OPCML: variants seen among roughly 807,000 people sequenced by gnomAD.
The protein encoded by OPCML is opioid-binding protein/cell adhesion molecule.
Under a neutral mutation model 37.8 loss-of-function variants are expected in OPCML, and 13 were observed. The observed-to-expected ratio is 0.34, with a 90% CI of 0.22 to 0.55. The LOEUF is 0.55. OPCML is among the 20% of genes least tolerant of loss of function. OPCML has a pLI of 0.91. For missense variants in OPCML, 341 were observed against 435.6 expected (o/e 0.78, Z 1.93); for synonymous variants, 176 against 168.8 (o/e 1.04, Z -0.33).
At chr11:132,597,697 A>G (rs1356682463) in intron 3 of OPCML, among the ~76,000 whole-genome samples, 3 of 152,346 alleles carry the variant, frequency 2.0e-5, no homozygotes, top group African/African-American at 7.2e-5. Context: ...CAGGGAAGGC[A>G]GGGCTTGACC....
intron 1 of OPCML, among the ~76,000 whole-genome samples, chr11:133,394,652 T>C (rs1268852517): frequency 7.9e-5 from 11 of 139,926 alleles, no homozygotes; most frequent in Admixed American, 6.7e-4. Flanking sequence ...AATGAGAACA[T>C]GAGAAGTCTG....
At chr11:133,518,827 T>TCC (rs1565679875) in intron 1 of OPCML, among the ~76,000 whole-genome samples, 27 of 151,604 alleles carry the variant, frequency 1.8e-4, no homozygotes, top group African/African-American at 5.8e-4. Flanking sequence ...CAGTGGCAGG[T>TCC]TGGAAGATCT....
intron 1 of OPCML, chr11:133,297,171 TA>T (rs1942651128): frequency 6.6e-6 from 1 of 151,996 alleles, no homozygotes. Context: ...CTCAAAACAA[TA>T]ATCAAATATC....
chr11:133,320,511 G>A (rs1179905024), intron 1 of OPCML, among the ~76,000 whole-genome samples: 7 of 152,142 alleles, frequency 4.6e-5, no homozygotes, highest in African/African-American at 1.7e-4. Context: ...ATTAAATGAA[G>A]CAAGTATCAG....
intron 1 of OPCML, among the ~76,000 whole-genome samples, chr11:133,500,284 G>A (rs1303545259): frequency 3.3e-5 from 5 of 152,258 alleles, no homozygotes; most frequent in Non-Finnish European, 5.9e-5. Flanking sequence ...CAGGAACCAG[G>A]AGCCGGACCT....
intron 2 of OPCML, among the ~76,000 whole-genome samples, chr11:132,847,554 G>A (rs573568103): frequency 2.6e-5 from 4 of 152,124 alleles, no homozygotes; most frequent in African/African-American, 7.2e-5. Context: ...ATTGTTCTGC[G>A]TAAGTATTCT....
At chr11:132,574,522 T>C (rs1256360606) in intron 3 of OPCML, among the ~76,000 whole-genome samples, 2 of 151,938 alleles carry the variant, frequency 1.3e-5, no homozygotes, top group African/African-American at 4.8e-5. Context: ...TTTGACCTAT[T>C]GTTGTTCAAG....
At chr11:132,838,549 T>G (rs1941146810) in intron 2 of OPCML, among the ~76,000 whole-genome samples, 2 of 152,234 alleles carry the variant, frequency 1.3e-5, no homozygotes, top group South Asian at 4.1e-4. Context: ...GAAAATGGAT[T>G]AATAACTTTA....
chr11:133,272,265 A>AG (rs1467830251), intron 1 of OPCML, among the ~76,000 whole-genome samples: 2 of 152,106 alleles, frequency 1.3e-5, no homozygotes, highest in East Asian at 1.9e-4. Context: ...AAAAAAAAAA[A>AG]AAAAGAAAAC....
At chr11:132,658,978 C>T (rs974289242) in intron 2 of OPCML, among the ~76,000 whole-genome samples, 14 of 152,176 alleles carry the variant, frequency 9.2e-5, no homozygotes, top group Non-Finnish European at 1.5e-4. Context: ...ATCCCTTGCA[C>T]ACCAGCAGTT....
intron 4 of OPCML, among the ~76,000 whole-genome samples, chr11:132,457,342 G>C (rs1202816908): frequency 6.6e-6 from 1 of 152,178 alleles, no homozygotes; most frequent in African/African-American, 2.4e-5. Context: ...CATCTACTCT[G>C]CTCTTAAGAC....
intron 2 of OPCML, among the ~76,000 whole-genome samples, chr11:132,682,237 C>A (rs1565772119): frequency 6.6e-6 from 1 of 152,152 alleles, no homozygotes; most frequent in Non-Finnish European, 1.5e-5. Flanking sequence ...CGTCATGAGG[C>A]CTGGGAAGGC....
chr11:132,921,097 T>C (rs374869141), intron 2 of OPCML, among the ~76,000 whole-genome samples: 2 of 152,240 alleles, frequency 1.3e-5, no homozygotes, highest in African/African-American at 4.8e-5. Context: ...ACCATGGCTG[T>C]TTTCTTTCCT....
At chr11:133,082,429 C>T (rs1190223707) in intron 1 of OPCML, among the ~76,000 whole-genome samples, 1 of 116,064 alleles carries the variant, frequency 8.6e-6, no homozygotes, top group Non-Finnish European at 1.9e-5. Flanking sequence ...ATCCTCCCCC[C>T]TCCCCATCCT....
intron 1 of OPCML, among the ~76,000 whole-genome samples, chr11:133,221,429 A>G (rs1939823505): frequency 6.6e-6 from 1 of 152,180 alleles, no homozygotes; most frequent in Non-Finnish European, 1.5e-5. Context: ...CTCTTTCGTA[A>G]CGTGGAGCTA....
At chr11:133,153,284 G>T (rs752488803) in intron 1 of OPCML, among the ~76,000 whole-genome samples, 1 of 151,604 alleles carries the variant, frequency 6.6e-6, no homozygotes, top group African/African-American at 2.4e-5. Context: ...CATGAACCAC[G>T]GGGAGGGCTT....
At chr11:132,471,551 G>A (rs1373800263) in intron 4 of OPCML, among the ~76,000 whole-genome samples, 2 of 152,146 alleles carry the variant, frequency 1.3e-5, no homozygotes. Flanking sequence ...GATTCAAGTT[G>A]GCTCACTCTC....
intron 4 of OPCML, among the ~76,000 whole-genome samples, chr11:132,499,321 G>A (rs2096240882): frequency 6.6e-6 from 1 of 152,168 alleles, no homozygotes; most frequent in Admixed American, 6.5e-5. Flanking sequence ...GCAGAGCTGG[G>A]CATGGCTGCT....
intron 4 of OPCML, among the ~76,000 whole-genome samples, chr11:132,480,388 T>C (rs2096175315): frequency 6.6e-6 from 1 of 152,132 alleles, no homozygotes; most frequent in Non-Finnish European, 1.5e-5. Flanking sequence ...CAAATCTACG[T>C]CTGATTGGTG....
Sources: allele counts gnomAD v4.1 joint callset (sites outside exome capture counted in the v4.1 genomes callset), GRCh38; gene constraint gnomAD v4.1.1; transcripts MANE v1.5; gene names NCBI Gene and HGNC (gene_info 2026-07-23, HGNC 2026-07-21).